SH3TC1: variants seen among roughly 807,000 people sequenced by gnomAD.
SH3TC1 encodes the protein SH3 domain and tetratricopeptide repeat-containing protein 1.
SH3TC1 carries 135 observed loss-of-function variants against 117.3 expected under a neutral mutation model. The ratio of observed to expected loss-of-function variants is 1.15; its 90% CI spans 1.00 to 1.33. The LOEUF is 1.33. Ranked by LOEUF, SH3TC1 falls within the 40% of genes most tolerant of loss-of-function variation. The probability of loss-of-function intolerance (pLI) is 0.00; values close to 1 mark genes in which losing one functional copy is unlikely to be tolerated. For synonymous variants in SH3TC1, 898 were observed against 816.9 expected (o/e 1.10, Z -1.69); for missense variants, 2,092 against 1,794.3 (o/e 1.17, Z -3.00).
At chr4:8,211,625 G>A (rs1356582567) in intron 3 of SH3TC1, among the ~76,000 whole-genome samples, 1 of 150,716 alleles carries the variant, frequency 6.6e-6, no homozygotes, top group Non-Finnish European at 1.5e-5. Context: ...AGAGATCTGG[G>A]GCCGAGTCTT....
In SH3TC1 at chr4:8,228,549, T is replaced by TGGGCCATCTCTGCACCC; in HGVS notation, c.2857_2873dup (p.Gln959AlafsTer191). 1 of 1,609,416 alleles carries TGGGCCATCTCTGCACCC rather than the reference T, an allele frequency of 6.2e-7. No individual in the cohort carries two copies. The highest frequency in any genetic ancestry group is 8.5e-7 in the Non-Finnish European group (1 of 1,178,654). On this transcript the variant is annotated frameshift_variant, in exon 12 of 18. Transcript: ENST00000245105. LOFTEE classifies it high-confidence loss of function. Reference sequence around the variant, plus strand: ...GACTTCACCCACGTGCTCCTGCAGCTGGGCCATCTCTGCACCCGCCAGGGC... The same window carrying TGGGCCATCTCTGCACCC: ...GACTTCACCCACGTGCTCCTGCAGCTGGGCCATCTCTGCACCCGGGCCATCTCTGCACCCGCCAGGGC...
chr4:8,238,317 T>C lies in SH3TC1; in HGVS notation c.3753+647T>C, dbSNP rs530050708. ...GCTGAGGCCTTGCTGGTCGGGTCTGTCTGGAGAGGAGGTGCTGGGACCTGT... is the reference window on the plus strand; with the variant it reads ...GCTGAGGCCTTGCTGGTCGGGTCTGCCTGGAGAGGAGGTGCTGGGACCTGT... On this transcript the variant is annotated intron_variant, in intron 17 of 17. Transcript: ENST00000245105. 4.1e-3 allele frequency among the ~76,000 whole-genome samples: 617 copies of C among 152,250 alleles called. 6 individuals are homozygous for C. Among genetic ancestry groups the C allele is most frequent in the Admixed American group, 7.1e-3 (108 of 15,298 alleles).
At chr4:8,199,965 C>T (rs1372935860) in intron 1 of SH3TC1, among the ~76,000 whole-genome samples, 1 of 152,222 alleles carries the variant, frequency 6.6e-6, no homozygotes, top group Non-Finnish European at 1.5e-5. Flanking sequence ...CAGGGAGGGT[C>T]TGGGCCCAGC....
chr4:8,187,468 T>C (rs1176798246), intron 1 of SH3TC1, among the ~76,000 whole-genome samples: 1 of 152,192 alleles, frequency 6.6e-6, no homozygotes, highest in East Asian at 1.9e-4. Flanking sequence ...GGGGGGTCTG[T>C]CTGTCTCTTC....
intron 5 of SH3TC1, chr4:8,215,213 G>T (rs954142444): frequency 2.2e-6 from 1 of 456,242 alleles, no homozygotes; most frequent in East Asian, 6.9e-5. Context: ...AGTGCTGACC[G>T]GGAAAGCTGT....
At position 8,228,383 on chromosome 4, in the gene SH3TC1, G is replaced by T. The variant is rs758266497; in HGVS notation, c.2689G>T (p.Gly897Cys). The T allele has an allele frequency of 1.2e-6, 2 of 1,610,908 alleles. No individual in the cohort carries two copies. Among genetic ancestry groups the T allele is most frequent in the African/African-American group, 1.3e-5 (1 of 75,052 alleles). The change falls in exon 12 of 18, where the codon GGC becomes TGC. Residue 897 changes from glycine to cysteine, a missense_variant. Transcript: ENST00000245105. ...CGCCCTGCGGGTGGCTCGGGACCTG[G>T]GCCAGCAAAGGAACCAGGCAGTGGG... is the stretch of plus-strand genomic sequence containing the variant. Reference protein sequence around the residue: ...YRALRVARDLGQQRNQAVGLA... With the variant: ...YRALRVARDLCQQRNQAVGLA...
intron 1 of SH3TC1, among the ~76,000 whole-genome samples, chr4:8,189,957 C>T (rs1305720621): frequency 1.3e-5 from 2 of 152,126 alleles, no homozygotes; most frequent in East Asian, 1.9e-4. Flanking sequence ...AAGAGGGAGC[C>T]GGGAAGGGAC....
At chr4:8,194,504 G>A (rs1264850530), upstream of SH3TC1, among the ~76,000 whole-genome samples, 2 of 152,188 alleles carry the variant, frequency 1.3e-5, no homozygotes, top group Non-Finnish European at 2.9e-5. Context: ...TCCGCCCTCA[G>A]GGAAAGCCTC....
At chr4:8,184,132 C>T (rs369051698) in intron 1 of SH3TC1, among the ~76,000 whole-genome samples, 20 of 152,298 alleles carry the variant, frequency 1.3e-4, no homozygotes, top group South Asian at 1.0e-3. Flanking sequence ...ATGCATGTCT[C>T]TAAGTATGCC....
intron 17 of SH3TC1, among the ~76,000 whole-genome samples, chr4:8,238,807 A>G (rs1326926760): frequency 6.6e-6 from 1 of 152,114 alleles, no homozygotes. Context: ...CACTCCGCCC[A>G]CCCAGGAGGA....
Position 8,205,788 on chromosome 4 carries a change from G to A in SH3TC1, c.172+422G>A. The A allele has an allele frequency of 1.6e-6, 1 of 623,894 alleles. No individual in the cohort carries two copies. Among genetic ancestry groups the A allele is most frequent in the Middle Eastern group, 2.7e-4 (1 of 3,682 alleles). 38.6% of individuals were successfully genotyped at this position (623,894 alleles called of 1,614,324 possible). A position where few individuals can be genotyped will look rare whatever the true frequency, so the allele number is the denominator to read the frequency against. The stretch of plus-strand genomic sequence containing the variant: ...GAAGGGCCGGGCCAGGCCACCCTGT[G>A]GTCAGGGGCCGGGCCAGGACGTGTG... On this transcript the variant is annotated intron_variant, in intron 2 of 17. Transcript: ENST00000245105. This position sits in a 1 kb window ranked among gnomAD's most constrained non-coding sequence, Gnocchi z 5.4.
At position 8,192,496 on chromosome 4, in the gene SH3TC1, A is replaced by C. The variant is rs966913447; in HGVS notation, c.-57+10286A>C. Among the ~76,000 whole-genome samples the C allele has an allele frequency of 2.1e-5, 3 of 142,950 alleles. No homozygotes were observed. The highest frequency in any genetic ancestry group is 6.9e-5 in the Admixed American group (1 of 14,476). 93.8% of individuals were successfully genotyped at this position (142,950 alleles called of 152,430 possible). A position where few individuals can be genotyped will look rare whatever the true frequency, so the allele number is the denominator to read the frequency against. Reference sequence around the variant, plus strand: ...ATTTTATTTTATTTTATTTTATTTTATTTCATTTTATTTTTGAGATGGAGT... The same window carrying C: ...ATTTTATTTTATTTTATTTTATTTTCTTTCATTTTATTTTTGAGATGGAGT... On this transcript the variant is annotated intron_variant, in intron 1 of 16. Coordinates refer to the SH3TC1 transcript ENST00000508641. This position sits in a 1 kb window ranked among gnomAD's most constrained non-coding sequence, Gnocchi z 4.1.
Position 8,228,512 on chromosome 4 carries a change from G to A in SH3TC1, c.2818G>A (p.Glu940Lys), listed in dbSNP as rs761767321. Residue 940 changes from glutamate (E) to lysine (K), a missense_variant, in exon 12 of 18, where the codon GAG becomes AAG. Physicochemically the swap from Glu to Lys is moderately conservative, Grantham distance 56 (BLOSUM62 1). Coordinates refer to ENST00000245105, the MANE Select transcript of SH3TC1 (RefSeq NM_018986.5). ...VRLFSRLPLG[E>K]CGRDFTHVLL... ...GCTGTTCTCGAGGCTGCCCCTTGGG[G>A]AGTGTGGCCGGGACTTCACCCACGT... 1.9e-6 allele frequency: 3 copies of A among 1,611,550 alleles called. No homozygotes were observed. The highest frequency in any genetic ancestry group is 2.2e-5 in the East Asian group (1 of 44,866).
In SH3TC1 at chr4:8,227,306, G is replaced by T; in HGVS notation, c.1612G>T (p.Glu538Ter). Reference protein sequence around the residue: ...SVFRSFSDEEELTGRLAQARG... With the variant: ...SVFRSFSDEE ...GTTCCGCAGCTTCAGCGACGAGGAG[G>T]AGCTGACTGGGCGCCTGGCACAGGC... Residue 538 changes from glutamate to a stop codon, truncating the protein, a stop_gained, in exon 12 of 18, where the codon GAG becomes TAG. Transcript: ENST00000245105. LOFTEE classifies it high-confidence loss of function. 3 of 1,610,394 alleles carry T rather than the reference G, an allele frequency of 1.9e-6. No homozygotes were observed. Among genetic ancestry groups the T allele is most frequent in the African/African-American group, 2.7e-5 (2 of 75,038 alleles).
intron 1 of SH3TC1, among the ~76,000 whole-genome samples, chr4:8,187,503 T>C (rs1410181453): frequency 6.6e-6 from 1 of 152,154 alleles, no homozygotes; most frequent in Non-Finnish European, 1.5e-5. Context: ...AGCTATCCCA[T>C]GACTTATTTG....
At chr4:8,229,835 C>T (rs1173625513) in intron 12 of SH3TC1, among the ~76,000 whole-genome samples, 2 of 152,100 alleles carry the variant, frequency 1.3e-5, no homozygotes, top group Non-Finnish European at 2.9e-5. Context: ...CCTGTGGCAC[C>T]TCCTACGAGG....
At chr4:8,239,573 C>T (rs1044116224) in intron 17 of SH3TC1, among the ~76,000 whole-genome samples, 13 of 151,790 alleles carry the variant, frequency 8.6e-5, no homozygotes, top group Non-Finnish European at 1.0e-4. Context: ...CACGCAAATG[C>T]ACAGAGGCAC....
rs768503896 is a variant in SH3TC1, at chr4:8,232,605, G to C, written c.3131+449G>C. ...CCAGTTGTGTCACCTGCTTCCCTGG[G>C]GCAGGGTTTCAAGGTCTCACATCCC... is the stretch of plus-strand genomic sequence containing the variant. On this transcript the variant is annotated intron_variant, in intron 13 of 17. Coordinates refer to ENST00000245105, the MANE Select transcript of SH3TC1 (RefSeq NM_018986.5). 2.5e-5 allele frequency: 33 copies of C among 1,340,882 alleles called. 1 individual carries two copies. The Admixed American group carries it at 6.4e-4, about 26-fold the overall frequency. The allele number at this position is 1,340,882 out of a possible 1,614,324, so 83.1% of individuals were successfully genotyped here. A position where few individuals can be genotyped will look rare whatever the true frequency, so the allele number is the denominator to read the frequency against.
chr4:8,194,107 ACTCAGGGTGTGC>A (rs1335644993), intron 1 of SH3TC1, among the ~76,000 whole-genome samples: 1 of 152,090 alleles, frequency 6.6e-6, no homozygotes, highest in Non-Finnish European at 1.5e-5. Flanking sequence ...CCTGGTCAGC[ACTCAGGGTGTGC>A]CTCCGAGGCT....
Sources: gnomAD v4.1 joint callset for allele counts (sites outside exome capture counted in the v4.1 genomes callset) on GRCh38, gnomAD v4.1.1 for gene constraint, Gnocchi (gnomAD v3.1) non-coding constraint, MANE v1.5 for transcripts, NCBI Gene and HGNC (gene_info 2026-07-23, HGNC 2026-07-21) for gene names.